DHX8: variants seen among roughly 807,000 people sequenced by gnomAD.
DHX8 encodes the protein DEAH-box helicase 8.
Under a neutral mutation model 140.7 loss-of-function variants are expected in DHX8, and 67 were observed. That is an observed-to-expected ratio of 0.48 (90% CI 0.39 to 0.58). DHX8 has a LOEUF of 0.58. Among genes scored for constraint, DHX8 ranks in the 20% least tolerant of loss-of-function variants. The probability of loss-of-function intolerance (pLI) is 0.00; values close to 1 mark genes in which losing one functional copy is unlikely to be tolerated. For missense variants in DHX8, 887 were observed against 1,550.7 expected (o/e 0.57, Z 7.19); for synonymous variants, 533 against 553.2 (o/e 0.96, Z 0.51).
In DHX8 at chr17:43,484,074, G is replaced by T. The variant is rs1363435933; in HGVS notation, c.37G>T (p.Gly13Trp). 1.3e-5 allele frequency: 21 copies of T among 1,614,038 alleles called. No homozygotes were observed. Among genetic ancestry groups the T allele is most frequent in the Non-Finnish European group, 1.7e-5 (20 of 1,180,036 alleles). Reference sequence around the variant, plus strand: ...TGTAGCCATGGCGGGAGCCTTAATCGGGTCGGAGCCAGGCCCCGCGGAAGA... The same window carrying T: ...TGTAGCCATGGCGGGAGCCTTAATCTGGTCGGAGCCAGGCCCCGCGGAAGA... ...VAVAMAGALI[G>W]SEPGPAEELA... Residue 13 changes from glycine to tryptophan, a missense_variant, in exon 1 of 23, where the codon GGG becomes TGG. Coordinates refer to ENST00000262415, the MANE Select transcript of DHX8 (RefSeq NM_004941.3).
At chr17:43,531,441 C>CT (rs1970932077), downstream of DHX8, among the ~76,000 whole-genome samples, 2 of 152,170 alleles carry the variant, frequency 1.3e-5, no homozygotes, top group South Asian at 4.1e-4. Flanking sequence ...GCCCTTGCCT[C>CT]TGGCCAGGGC....
At chr17:43,523,231 C>A (rs544080638) in intron 22 of DHX8, among the ~76,000 whole-genome samples, 1 of 152,222 alleles carries the variant, frequency 6.6e-6, no homozygotes, top group Admixed American at 6.5e-5. Context: ...AGAAATGTGG[C>A]TCCTTGCATG....
chr17:43,509,122 C>T (rs557238995), intron 16 of DHX8, among the ~76,000 whole-genome samples: 1 of 152,310 alleles, frequency 6.6e-6, no homozygotes, highest in East Asian at 1.9e-4. Flanking sequence ...TGCTGTGGGG[C>T]ATCCCCCAGT....
chr17:43,494,146 AG>A (rs1428067210), intron 8 of DHX8, among the ~76,000 whole-genome samples: 1 of 152,216 alleles, frequency 6.6e-6, no homozygotes. Context: ...AGTAGACAAG[AG>A]AGCTTGTGCA....
chr17:43,518,194 T>C (rs1233131898), intron 18 of DHX8: 1 of 152,236 alleles, frequency 6.6e-6, no homozygotes, highest in Non-Finnish European at 1.5e-5. Context: ...ATTGCTAACA[T>C]AATTCATCAT....
At chr17:43,499,404 G>T (rs954142688) in intron 10 of DHX8, among the ~76,000 whole-genome samples, 1 of 152,096 alleles carries the variant, frequency 6.6e-6, no homozygotes, top group Non-Finnish European at 1.5e-5. Context: ...TATGGAAAAG[G>T]GTATATTTAA....
At chr17:43,528,972 G>A (rs981306985), downstream of DHX8, among the ~76,000 whole-genome samples, 17 of 151,990 alleles carry the variant, frequency 1.1e-4, no homozygotes, top group African/African-American at 4.1e-4. Context: ...GCACTTTTTT[G>A]GGGGAGGAGA....
At chr17:43,521,987 A>G (rs200960882) in intron 21 of DHX8, 60 bp from the exon 22 acceptor site, 1 of 1,568,514 alleles carries the variant, frequency 6.4e-7, no homozygotes, top group Non-Finnish European at 8.7e-7. Context: ...GGGCACTGTC[A>G]TTGTGAAAAT....
chr17:43,501,286 G>T (rs997495906), intron 11 of DHX8, among the ~76,000 whole-genome samples: 1 of 152,120 alleles, frequency 6.6e-6, no homozygotes, highest in Admixed American at 6.6e-5. Flanking sequence ...GTATGTTCCA[G>T]CCTGAGGAGT....
intron 1 of DHX8, among the ~76,000 whole-genome samples, chr17:43,487,655 G>A (rs924456444): frequency 1.3e-5 from 2 of 152,136 alleles, no homozygotes; most frequent in African/African-American, 4.8e-5. Context: ...TCTGAAAGTA[G>A]CTTAATAAAT....
downstream of DHX8, chr17:43,529,312 C>G: frequency 2.0e-6 from 3 of 1,480,064 alleles, no homozygotes; most frequent in Admixed American, 5.1e-5. Flanking sequence ...AGAAAGAGCA[C>G]TTGAGATTCT....
At chr17:43,541,420 G>A (rs964364447) in intron 3 of DHX8, among the ~76,000 whole-genome samples, 2 of 152,182 alleles carry the variant, frequency 1.3e-5, no homozygotes, top group African/African-American at 4.8e-5. Context: ...CTAAGATGGA[G>A]TTTATCTGTC....
intron 17 of DHX8, among the ~76,000 whole-genome samples, chr17:43,514,616 T>G (rs565504651): frequency 6.6e-6 from 1 of 152,324 alleles, no homozygotes; most frequent in South Asian, 2.1e-4. Context: ...TATCCAAAAC[T>G]TAAATGTTCA....
At chr17:43,509,965 A>G (rs1969726262) in intron 16 of DHX8, among the ~76,000 whole-genome samples, 3 of 151,918 alleles carry the variant, frequency 2.0e-5, no homozygotes, top group South Asian at 2.1e-4. Context: ...CACTGCGCCC[A>G]GCCAATTTTT....
intron 18 of DHX8, 106 bp downstream of exon 18, chr17:43,517,428 A>C (rs1970167483): frequency 1.5e-6 from 2 of 1,299,130 alleles, no homozygotes; most frequent in African/African-American, 1.5e-5. Context: ...TAGTAACCTC[A>C]TGAAAGCAGT....
Position 43,505,401 on chromosome 17 carries a change from C to CTT in DHX8, c.1728+577_1728+578insTT, listed in dbSNP as rs1011223055. Reference sequence around the variant, plus strand: ...TCCAGCCTGGCTACAGAGAGAGACTCTGTCTAAAAAAAAAAAAATTACCTG... The same window carrying CTT: ...TCCAGCCTGGCTACAGAGAGAGACTCTTTGTCTAAAAAAAAAAAAATTACCTG... On this transcript the variant is annotated intron_variant, in intron 12 of 22. Transcript: ENST00000262415. Among the ~76,000 whole-genome samples the CTT allele has an allele frequency of 1.1e-4, 17 of 151,428 alleles. 1 individual carries two copies. In the South Asian group the frequency reaches 2.9e-3, roughly 26 times the overall value.
intron 3 of DHX8, among the ~76,000 whole-genome samples, chr17:43,542,064 T>TA (rs1971551511): frequency 1.3e-5 from 2 of 152,140 alleles, no homozygotes; most frequent in Non-Finnish European, 2.9e-5. Context: ...CATGGGGTCT[T>TA]TTTTTGACCT....
In DHX8 at chr17:43,507,107, C is replaced by T; in HGVS notation, c.1833C>T (p.Gly611=). The T allele has an allele frequency of 6.2e-7, 1 of 1,614,054 alleles. No homozygotes were observed. Among genetic ancestry groups the T allele is most frequent in the Admixed American group, 1.7e-5 (1 of 59,984 alleles). Residue 611 remains glycine (G), a synonymous_variant, in exon 13 of 23, where the codon GGC becomes GGT. Coordinates refer to ENST00000262415, the MANE Select transcript of DHX8 (RefSeq NM_004941.3). ...YLAEAGYTSR[G]KIGCTQPRRV... ...CGGAGGCAGGCTACACTTCCAGGGG[C>T]AAGATTGGGTGTACCCAGCCCAGAA...
intron 1 of DHX8, among the ~76,000 whole-genome samples, chr17:43,487,407 G>T (rs1311495330): frequency 6.6e-6 from 1 of 152,118 alleles, no homozygotes. Flanking sequence ...TCTAGGATTA[G>T]CATTCAAATG....
Sources: gnomAD v4.1 joint callset for allele counts (sites outside exome capture counted in the v4.1 genomes callset) on GRCh38, gnomAD v4.1.1 for gene constraint, MANE v1.5 for transcripts, NCBI Gene and HGNC (gene_info 2026-07-23, HGNC 2026-07-21) for gene names.